The following CHODL variants were observed in gnomAD, a reference collection of about 807,000 sequenced individuals.
The protein encoded by CHODL is chondrolectin.
CHODL carries 29 observed loss-of-function variants against 34.5 expected under a neutral mutation model. The ratio of observed to expected loss-of-function variants is 0.84; its 90% CI spans 0.63 to 1.15. CHODL has a LOEUF of 1.15. CHODL is among the 50% of genes most tolerant of loss of function. The pLI, the probability that CHODL is intolerant of heterozygous loss-of-function variation, is 0.00. For missense variants in CHODL, 332 were observed against 332.5 expected (o/e 1.00, Z 0.01); for synonymous variants, 125 against 116.1 (o/e 1.08, Z -0.49).
intron 2 of CHODL, among the ~76,000 whole-genome samples, chr21:18,166,149 C>T (rs1034057800): frequency 3.3e-5 from 5 of 152,090 alleles, no homozygotes; most frequent in Admixed American, 6.5e-5. Flanking sequence ...CTGTGTGGCT[C>T]GGGGCTGAGG....
Position 17,976,270 on chromosome 21 carries a change from GAAAAAAAAAAAA to G in CHODL, c.-144-51585_-144-51574del, listed in dbSNP as rs71318119. 1.1e-3 allele frequency among the ~76,000 whole-genome samples: 70 copies of G among 66,512 alleles called. 1 individual carries two copies. The highest frequency in any genetic ancestry group is 7.0e-3 in the Middle Eastern group (1 of 142). 43.6% of individuals were successfully genotyped at this position (66,512 alleles called of 152,430 possible). On this transcript the variant is annotated intron_variant, in intron 1 of 6. Coordinates refer to the CHODL transcript ENST00000400127. ...TGGGTGACACAGTGAGACCATCTCAGAAAAAAAAAAAAAAAAAAAAAAAAAAAAGACATTGTT... is the reference window on the plus strand; with the variant it reads ...TGGGTGACACAGTGAGACCATCTCAGAAAAAAAAAAAAAAAAGACATTGTT...
At chr21:18,039,123 G>A (rs768741983) in intron 2 of CHODL, among the ~76,000 whole-genome samples, 1 of 151,396 alleles carries the variant, frequency 6.6e-6, no homozygotes, top group Non-Finnish European at 1.5e-5. Context: ...CTGAATCGAG[G>A]GATTCTTAAT....
chr21:18,157,439 A>G (rs1601082853), intron 2 of CHODL, among the ~76,000 whole-genome samples: 1 of 152,362 alleles, frequency 6.6e-6, no homozygotes, highest in East Asian at 1.9e-4. Flanking sequence ...GTTAAATTGA[A>G]AAGTGCAATG....
intron 2 of CHODL, among the ~76,000 whole-genome samples, chr21:18,146,666 ATTTC>A (rs2072894164): frequency 1.3e-5 from 2 of 152,148 alleles, no homozygotes; most frequent in South Asian, 4.1e-4. Context: ...AGTCTCAGCT[ATTTC>A]TTTATAGCAG....
intron 1 of CHODL, among the ~76,000 whole-genome samples, chr21:18,247,171 G>A (rs2074151251): frequency 6.6e-6 from 1 of 152,076 alleles, no homozygotes; most frequent in Non-Finnish European, 1.5e-5. Flanking sequence ...CATTTTTGTA[G>A]CAATAGTTTC....
At chr21:18,256,432 C>A in intron 1 of CHODL, 77 bp from the exon 2 acceptor site, 1 of 1,326,832 alleles carries the variant, frequency 7.5e-7, no homozygotes, top group Non-Finnish European at 1.0e-6. Context: ...TTGACTGGTT[C>A]TTACATTTTG....
intron 1 of CHODL, among the ~76,000 whole-genome samples, chr21:17,917,753 G>A (rs1819368471): frequency 6.6e-6 from 1 of 152,156 alleles, no homozygotes; most frequent in African/African-American, 2.4e-5. Context: ...TATCTGCTGG[G>A]ACACAGAGAA....
At chr21:18,059,510 C>A (rs1445482728) in intron 2 of CHODL, among the ~76,000 whole-genome samples, 1 of 137,498 alleles carries the variant, frequency 7.3e-6, no homozygotes, top group African/African-American at 2.7e-5. Flanking sequence ...TTTTTTTTTT[C>A]CAACTTTTAT....
intron 2 of CHODL, among the ~76,000 whole-genome samples, chr21:18,058,020 A>G (rs1373719180): frequency 6.6e-6 from 1 of 152,116 alleles, no homozygotes; most frequent in South Asian, 2.1e-4. Flanking sequence ...GATTCTATAC[A>G]TTATTGTTAA....
chr21:18,198,323 T>C (rs1400451467), intron 2 of CHODL, among the ~76,000 whole-genome samples: 2 of 152,188 alleles, frequency 1.3e-5, no homozygotes, highest in African/African-American at 2.4e-5. Flanking sequence ...TTTTCAACCA[T>C]ATTAAAACAG....
intron 2 of CHODL, among the ~76,000 whole-genome samples, chr21:18,137,743 T>C (rs541779168): frequency 2.9e-4 from 44 of 152,328 alleles, no homozygotes; most frequent in African/African-American, 9.4e-4. Context: ...TATAGATGCA[T>C]GCGTATGTGT....
chr21:17,965,706 G>A (rs2063566668), intron 1 of CHODL, among the ~76,000 whole-genome samples: 1 of 151,958 alleles, frequency 6.6e-6, no homozygotes, highest in Non-Finnish European at 1.5e-5. Context: ...ATTCACCATG[G>A]TATCTCACAG....
intron 2 of CHODL, among the ~76,000 whole-genome samples, chr21:18,227,885 C>T (rs982612098): frequency 6.6e-6 from 1 of 152,122 alleles, no homozygotes; most frequent in Admixed American, 6.6e-5. Flanking sequence ...GAAAATATTG[C>T]TTTGCAATAA....
At chr21:18,161,050 T>C (rs1173485363) in intron 2 of CHODL, among the ~76,000 whole-genome samples, 2 of 152,310 alleles carry the variant, frequency 1.3e-5, no homozygotes, top group East Asian at 1.9e-4. Flanking sequence ...TGGTATCTCA[T>C]TGTGGTTTTG....
chr21:18,177,220 ATATAT>A (rs1376766188), intron 2 of CHODL, among the ~76,000 whole-genome samples: 2 of 152,044 alleles, frequency 1.3e-5, no homozygotes, highest in Non-Finnish European at 2.9e-5. Context: ...AGAGAATTAA[ATATAT>A]TATGGTAAAT....
rs144813960 is a variant in CHODL at position 17,966,563 on chromosome 21, T to C, written c.-145+49163T>C. Among the ~76,000 whole-genome samples, 888 of 152,296 alleles carry C rather than the reference T, an allele frequency of 5.8e-3. 9 individuals are homozygous for C. Among genetic ancestry groups the C allele is most frequent in the African/African-American group, 0.02 (844 of 41,560 alleles). ...ACTACAGGGAAACACACTAAAAGCA[T>C]GGATTGTAATCAAGAAATACAAGGC... On this transcript the variant is annotated intron_variant, in intron 1 of 6. Coordinates refer to the CHODL transcript ENST00000400127.
Position 17,989,477 on chromosome 21 carries a change from G to T in CHODL, c.-144-38395G>T, listed in dbSNP as rs565365521. ...ATTTAAAATGCCCCCAAACTCCAGGGAGCACAAAATTAGATATTACTGAAG... is the reference window on the plus strand; with the variant it reads ...ATTTAAAATGCCCCCAAACTCCAGGTAGCACAAAATTAGATATTACTGAAG... On this transcript the variant is annotated intron_variant, in intron 1 of 6. Transcript: ENST00000400127. 2.0e-5 allele frequency among the ~76,000 whole-genome samples: 3 copies of T among 152,174 alleles called. No homozygotes were observed. In the South Asian group the frequency reaches 6.2e-4, roughly 32 times the overall value.
chr21:18,238,490 G>A (rs1442932999), intron 2 of CHODL, among the ~76,000 whole-genome samples: 2 of 152,088 alleles, frequency 1.3e-5, no homozygotes, highest in African/African-American at 4.8e-5. Context: ...CATGATTCAA[G>A]TTATCTCCCA....
At chr21:17,949,685 T>C (rs143926519) in intron 1 of CHODL, among the ~76,000 whole-genome samples, 6 of 152,314 alleles carry the variant, frequency 3.9e-5, no homozygotes, top group East Asian at 3.9e-4. Flanking sequence ...AAAGTAAATG[T>C]TATAGTCTTG....
Sources: allele counts gnomAD v4.1 joint callset (sites outside exome capture counted in the v4.1 genomes callset), GRCh38; gene constraint gnomAD v4.1.1; transcripts MANE v1.5; gene names NCBI Gene and HGNC (gene_info 2026-07-23, HGNC 2026-07-21).